The following FANCA variants were observed in gnomAD, a reference collection of about 807,000 sequenced individuals.
FANCA encodes the protein Fanconi anemia group A protein.
Under a neutral mutation model 194.3 loss-of-function variants are expected in FANCA, and 236 were observed. The observed-to-expected ratio is 1.21, with a 90% CI of 1.09 to 1.35. The LOEUF is 1.35. Ranked by LOEUF, FANCA falls within the 40% of genes most tolerant of loss-of-function variation. The pLI is 0.00. For synonymous variants in FANCA, 1,014 were observed against 715.8 expected (o/e 1.42, Z -6.65); for missense variants, 2,628 against 1,813.9 (o/e 1.45, Z -8.15).
At chr16:89,806,574 G>A (rs1276537487) in intron 6 of FANCA, among the ~76,000 whole-genome samples, 1 of 151,774 alleles carries the variant, frequency 6.6e-6, no homozygotes, top group Non-Finnish European at 1.5e-5. Flanking sequence ...CTGCCTTCAA[G>A]CATCTGTTTA....
At chr16:89,754,320 A>G (rs1221700877) in intron 30 of FANCA, among the ~76,000 whole-genome samples, 1 of 152,082 alleles carries the variant, frequency 6.6e-6, no homozygotes, top group Non-Finnish European at 1.5e-5. Flanking sequence ...AAGCATCCAG[A>G]TAGGAAAGGA....
At chr16:89,799,457 G>T in intron 9 of FANCA, 148 bp downstream of exon 9, 1 of 972,888 alleles carries the variant, frequency 1.0e-6, no homozygotes, top group Non-Finnish European at 1.6e-6. Context: ...CTCTGAAAAT[G>T]CCAAAACAAG....
rs1598091073 is a variant in FANCA, at chr16:89,758,448, A to G, written c.2981+129T>C. On this transcript the variant is annotated intron_variant, in intron 30 of 42. Coordinates refer to ENST00000389301, the MANE Select transcript of FANCA (RefSeq NM_000135.4). ...TGCCAAAGGAGACTGACATTTGGGT[A>G]TAGGCTGGGAAAGGCAGACCCACCC... 20 of 1,048,972 alleles carry G rather than the reference A, an allele frequency of 1.9e-5. No individual in the cohort carries two copies. In the East Asian group the frequency reaches 4.9e-4, roughly 26 times the overall value. 65.0% of individuals were successfully genotyped at this position (1,048,972 alleles called of 1,614,324 possible).
chr16:89,769,901 C>G lies in FANCA; in HGVS notation c.2440G>C (p.Val814Leu), dbSNP rs556453403. 5 of 1,614,132 alleles carry G rather than the reference C, an allele frequency of 3.1e-6. No individual in the cohort carries two copies. Among genetic ancestry groups the G allele is most frequent in the Non-Finnish European group, 4.2e-6 (5 of 1,180,012 alleles). ...GPPAPGAGLP[V>L]PALFDSLLTC... ...AGGAGGCTGTCAAAGAGCGCAGGGACAGGAAGGCCAGCACCAGGTGCAGGA... is the reference window on the plus strand; with the variant it reads ...AGGAGGCTGTCAAAGAGCGCAGGGAGAGGAAGGCCAGCACCAGGTGCAGGA... Residue 814 changes from valine to leucine, a missense_variant, in exon 26 of 43, where the codon GTC becomes CTC. By Grantham distance (32) the Val-to-Leu change is conservative. Coordinates refer to ENST00000389301, the MANE Select transcript of FANCA (RefSeq NM_000135.4).
chr16:89,805,181 G>C (rs1016563286), intron 7 of FANCA, 99 bp downstream of exon 7: 5 of 908,238 alleles, frequency 5.5e-6, no homozygotes, highest in Non-Finnish European at 7.1e-6. Context: ...GCCACGGAGA[G>C]ACAGGCTGTT....
chr16:89,745,011 G>A lies in FANCA; in HGVS notation c.3574C>T (p.Pro1192Ser), dbSNP rs2062210666. 2 of 1,610,964 alleles carry A rather than the reference G, an allele frequency of 1.2e-6. No homozygotes were observed. Among genetic ancestry groups the A allele is most frequent in the African/African-American group, 1.3e-5 (1 of 75,010 alleles). The change falls in exon 36 of 43, where the codon CCG (proline) becomes TCG (serine). Residue 1192 changes from proline to serine, a missense_variant. Physicochemically the swap from Pro to Ser is moderately conservative, Grantham distance 74. Transcript: ENST00000389301. ...LCRWRRHCQSPLPRELQKLQE... is the reference protein window; with the variant it reads ...LCRWRRHCQSSLPRELQKLQE... Reference sequence around the variant, plus strand: ...AGCTTCTGCAGTTCCCGGGGCAGCGGGCTCTGGCAGTGTCTCCTCCACCGG... The same window carrying A: ...AGCTTCTGCAGTTCCCGGGGCAGCGAGCTCTGGCAGTGTCTCCTCCACCGG...
intron 1 of FANCA, 183 bp downstream of exon 1, chr16:89,816,354 G>A (rs2041124724): frequency 3.0e-6 from 1 of 332,720 alleles, no homozygotes; most frequent in Non-Finnish European, 5.2e-6. Context: ...CCGCCCAGGC[G>A]CAGGAGGGGC....
intron 14 of FANCA, among the ~76,000 whole-genome samples, chr16:89,790,791 C>T (rs1300545930): frequency 6.6e-6 from 1 of 151,808 alleles, no homozygotes; most frequent in Non-Finnish European, 1.5e-5. Flanking sequence ...CAAAAAGCAG[C>T]ATCCACTTCT....
chr16:89,804,522 C>A (rs1323580260), intron 7 of FANCA, among the ~76,000 whole-genome samples: 1 of 152,128 alleles, frequency 6.6e-6, no homozygotes, highest in African/African-American at 2.4e-5. Context: ...AAGCCATTCT[C>A]TGACAAGCCC....
chr16:89,807,991 G>A (rs2040724207), intron 6 of FANCA, among the ~76,000 whole-genome samples: 1 of 152,118 alleles, frequency 6.6e-6, no homozygotes, highest in Admixed American at 6.6e-5. Flanking sequence ...CCTGGAGGTG[G>A]AGGTTGTAGT....
At chr16:89,799,379 T>C in intron 9 of FANCA, 147 bp from the exon 10 acceptor site, 1 of 1,011,468 alleles carries the variant, frequency 9.9e-7, no homozygotes. Flanking sequence ...CTGTAGGCCT[T>C]AATCAAAACA....
intron 3 of FANCA, 128 bp downstream of exon 3, chr16:89,814,392 C>T (rs1156717317): frequency 1.1e-5 from 7 of 658,760 alleles, no homozygotes; most frequent in South Asian, 1.9e-5. Flanking sequence ...ATAGAATTTG[C>T]GACTACACAC....
intron 14 of FANCA, among the ~76,000 whole-genome samples, chr16:89,786,015 ATTTTTTTTT>A (rs67279101): frequency 9.6e-6 from 1 of 104,130 alleles, no homozygotes; most frequent in Non-Finnish European, 1.8e-5. Flanking sequence ...ACTCCCAGCT[ATTTTTTTTT>A]TTTTTTTTTT....
At chr16:89,801,390 C>G (rs2040449275) in intron 8 of FANCA, among the ~76,000 whole-genome samples, 1 of 148,508 alleles carries the variant, frequency 6.7e-6, no homozygotes, top group Middle Eastern at 3.5e-3. Flanking sequence ...CAGGGAAATA[C>G]AAGTCAAAGC....
At chr16:89,754,611 C>T (rs1389702548) in intron 30 of FANCA, among the ~76,000 whole-genome samples, 7 of 152,032 alleles carry the variant, frequency 4.6e-5, no homozygotes, top group East Asian at 3.9e-4. Flanking sequence ...CCTCATGATC[C>T]GCCCACTTCA....
At position 89,792,502 on chromosome 16, in the gene FANCA, G is replaced by C; in HGVS notation, c.1052C>G (p.Thr351Arg). The C allele has an allele frequency of 6.2e-7, 1 of 1,613,514 alleles. No individual in the cohort carries two copies. Among genetic ancestry groups the C allele is most frequent in the Non-Finnish European group, 8.5e-7 (1 of 1,180,020 alleles). Residue 351 changes from threonine to arginine, a missense_variant, in exon 12 of 43, where the codon ACA becomes AGA. Transcript: ENST00000389301. ...GTACAGTGAGGTGAGCAGAGGGTGT[G>C]TCCGCGCAAAGCTCCACTCTCTCTG... is the stretch of plus-strand genomic sequence containing the variant. ...QMQREWSFAR[T>R]HPLLTSLYRR...
chr16:89,778,286 CA>C, intron 20 of FANCA: 1 of 242,094 alleles, frequency 4.1e-6, no homozygotes, highest in South Asian at 3.6e-5. Flanking sequence ...GCCAATATGG[CA>C]AAACCCTGTC....
At chr16:89,775,370 C>T (rs954716950) in intron 21 of FANCA, among the ~76,000 whole-genome samples, 11 of 152,214 alleles carry the variant, frequency 7.2e-5, no homozygotes, top group African/African-American at 2.4e-4. Context: ...TGCTGCATGA[C>T]ACTCCCTACG....
intron 8 of FANCA, among the ~76,000 whole-genome samples, chr16:89,801,426 G>C (rs1245467816): frequency 1.3e-5 from 2 of 151,608 alleles, no homozygotes; most frequent in Admixed American, 6.6e-5. Flanking sequence ...TTTCACTCCA[G>C]TTAGAATTAT....
Sources: allele counts gnomAD v4.1 joint callset (sites outside exome capture counted in the v4.1 genomes callset), GRCh38; gene constraint gnomAD v4.1.1; transcripts MANE v1.5; gene names NCBI Gene and HGNC (gene_info 2026-07-23, HGNC 2026-07-21).